Variants in ARHGAP31 observed in about 807,000 individuals in gnomAD.
ARHGAP31 encodes the protein Rho GTPase activating protein 31.
Under a neutral mutation model 113.9 loss-of-function variants are expected in ARHGAP31, and 34 were observed. That is an observed-to-expected ratio of 0.30 (90% confidence interval 0.23 to 0.40). The LOEUF (loss-of-function observed/expected upper bound fraction) is 0.40, where lower values mean the gene tolerates loss of function less well. Among genes scored for constraint, ARHGAP31 ranks in the 10% least tolerant of loss-of-function variants. ARHGAP31 has a pLI of 1.00. For missense variants in ARHGAP31, 1,548 were observed against 1,767.1 expected (o/e 0.88, Z 2.22); for synonymous variants, 650 against 684.8 (o/e 0.95, Z 0.79).
At chr3:119,394,140 G>T (rs2107636993) in intron 8 of ARHGAP31, among the ~76,000 whole-genome samples, 1 of 152,332 alleles carries the variant, frequency 6.6e-6, no homozygotes, top group Admixed American at 6.5e-5. Context: ...TCCTACAGAA[G>T]TGATCCTGTG....
intron 2 of ARHGAP31, 88 bp from the exon 3 acceptor site, chr3:119,368,284 G>GCT: frequency 6.5e-7 from 1 of 1,529,450 alleles, no homozygotes; most frequent in Non-Finnish European, 9.0e-7. Context: ...AGCAGTTTAG[G>GCT]GTCTTTTTAC....
At chr3:119,372,364 A>C (rs534428249) in intron 3 of ARHGAP31, among the ~76,000 whole-genome samples, 1 of 149,808 alleles carries the variant, frequency 6.7e-6, no homozygotes, top group Non-Finnish European at 1.5e-5. Context: ...GGTCACTTCA[A>C]CCTCTGCCTC....
intron 1 of ARHGAP31, among the ~76,000 whole-genome samples, chr3:119,295,690 C>G (rs7653133): frequency 0.7 from 105,218 of 150,908 alleles, 37,392 homozygotes; most frequent in African/African-American, 0.85. Flanking sequence ...AGAGGGCCTC[C>G]ATTTTTAAAT....
chr3:119,333,185 C>T (rs555392989), intron 1 of ARHGAP31, among the ~76,000 whole-genome samples: 20 of 152,274 alleles, frequency 1.3e-4, no homozygotes, highest in African/African-American at 4.1e-4. Context: ...TGGGTTGAAC[C>T]AGGCATGTTT....
chr3:119,380,896 C>G lies in ARHGAP31; in HGVS notation c.349-8C>G, dbSNP rs1559985875. The stretch of plus-strand genomic sequence containing the variant: ...ACTCACCAGGCTGCCTTGTGTTCTT[C>G]TCCACAGGAGGCAGTGTCGCATTGC... On this transcript the variant is annotated splice_polypyrimidine_tract_variant and splice_region_variant and intron_variant, in intron 3 of 11. Coordinates refer to ENST00000264245, the MANE Select transcript of ARHGAP31 (RefSeq NM_020754.4). The G allele has an allele frequency of 6.2e-7, 1 of 1,613,870 alleles. No homozygotes were observed. The highest frequency in any genetic ancestry group is 8.5e-7 in the Non-Finnish European group (1 of 1,179,782).
At position 119,416,169 on chromosome 3, in the gene ARHGAP31, A is replaced by G; in HGVS notation, c.4240A>G (p.Asn1414Asp). 6.2e-7 allele frequency: 1 copy of G among 1,614,208 alleles called. No individual in the cohort carries two copies. ...TAGGAATAAAATGACCATCCCTAAG[A>G]ATGGCCAGAGACTAGAGACCTCAAC... ...TLRNKMTIPK[N>D]GQRLETSTSC... Residue 1414 changes from asparagine (N) to aspartate (D), a missense_variant, in exon 12 of 12, where the codon AAT becomes GAT. Asn to Asp is a conservative substitution (Grantham distance 23, BLOSUM62 1). Transcript: ENST00000264245.
chr3:119,391,863 G>A (rs2080507896), intron 7 of ARHGAP31, among the ~76,000 whole-genome samples: 2 of 152,092 alleles, frequency 1.3e-5, no homozygotes, highest in African/African-American at 4.8e-5. Context: ...ACCCATCTGT[G>A]TGCTGGAAAA....
At chr3:119,364,692 A>C (rs1333675474) in intron 1 of ARHGAP31, among the ~76,000 whole-genome samples, 1 of 152,216 alleles carries the variant, frequency 6.6e-6, no homozygotes, top group Non-Finnish European at 1.5e-5. Context: ...TGGTCAGAAG[A>C]CCATACTTGG....
intron 1 of ARHGAP31, among the ~76,000 whole-genome samples, chr3:119,364,086 T>G (rs984910815): frequency 1.3e-5 from 2 of 152,098 alleles, no homozygotes; most frequent in Non-Finnish European, 2.9e-5. Flanking sequence ...TCTCTCAAAG[T>G]CAGCCGCCCG....
chr3:119,346,046 G>A (rs1303775505), intron 1 of ARHGAP31, among the ~76,000 whole-genome samples: 2 of 152,180 alleles, frequency 1.3e-5, no homozygotes, highest in Admixed American at 6.5e-5. Context: ...TGTAGCACCA[G>A]TGGTACTGTC....
intron 11 of ARHGAP31, among the ~76,000 whole-genome samples, chr3:119,413,247 A>G (rs113488171): frequency 0.14 from 21,002 of 150,260 alleles, 1,556 homozygotes; most frequent in South Asian, 0.25. Flanking sequence ...AACCCAGGAG[A>G]CAGGGGTTGC....
chr3:119,345,512 G>T (rs571610629), intron 1 of ARHGAP31, among the ~76,000 whole-genome samples: 19 of 152,248 alleles, frequency 1.2e-4, no homozygotes, highest in South Asian at 4.2e-4. Context: ...ATCAGGAACA[G>T]TAAGAGAGGA....
At chr3:119,387,788 C>CTA (rs1363485775) in intron 6 of ARHGAP31, among the ~76,000 whole-genome samples, 1 of 152,158 alleles carries the variant, frequency 6.6e-6, no homozygotes, top group Admixed American at 6.5e-5. Flanking sequence ...TGGCATAGAA[C>CTA]TATGGTCTGG....
At chr3:119,352,041 A>G (rs577931080) in intron 1 of ARHGAP31, among the ~76,000 whole-genome samples, 1 of 152,250 alleles carries the variant, frequency 6.6e-6, no homozygotes, top group South Asian at 2.1e-4. Context: ...GTCTCCCCCT[A>G]CAAATCTCCT....
chr3:119,387,518 C>T (rs982127143), intron 6 of ARHGAP31, among the ~76,000 whole-genome samples: 1 of 152,288 alleles, frequency 6.6e-6, no homozygotes, highest in African/African-American at 2.4e-5. Context: ...TCTCTTGCCT[C>T]GGTGCCTGGG....
At chr3:119,410,525 G>A (rs2080706463) in intron 11 of ARHGAP31, among the ~76,000 whole-genome samples, 1 of 152,164 alleles carries the variant, frequency 6.6e-6, no homozygotes, top group Non-Finnish European at 1.5e-5. Flanking sequence ...GGAGTGCCAT[G>A]GAGGCCTCAG....
chr3:119,382,239 G>A (rs1276257838), intron 4 of ARHGAP31, 53 bp from the exon 5 acceptor site: 28 of 1,485,110 alleles, frequency 1.9e-5, no homozygotes, highest in Non-Finnish European at 2.4e-5. Flanking sequence ...CATATGTCAG[G>A]CTTCACACGG....
chr3:119,352,587 T>G (rs1213006969), intron 1 of ARHGAP31, among the ~76,000 whole-genome samples: 1 of 151,838 alleles, frequency 6.6e-6, no homozygotes, highest in Non-Finnish European at 1.5e-5. Flanking sequence ...TCTTTTCTTC[T>G]AGATTACCTC....
chr3:119,324,757 G>A, intron 1 of ARHGAP31: 1 of 323,416 alleles, frequency 3.1e-6, no homozygotes, highest in South Asian at 2.6e-5. Context: ...CTAGCCCTTA[G>A]TGTAGGTGAA....
Sources: gnomAD v4.1 joint callset for allele counts (sites outside exome capture counted in the v4.1 genomes callset) on GRCh38, gnomAD v4.1.1 for gene constraint, MANE v1.5 for transcripts, NCBI Gene and HGNC (gene_info 2026-07-23, HGNC 2026-07-21) for gene names.